Variants in NBAS observed in about 807,000 individuals in gnomAD.
NBAS encodes NBAS subunit of NRZ tethering complex.
Under a neutral mutation model 302.5 loss-of-function variants are expected in NBAS, and 219 were observed. That is an observed-to-expected ratio of 0.72 (90% CI 0.65 to 0.81). The LOEUF is 0.81. Among genes scored for constraint, NBAS ranks in the 30% least tolerant of loss-of-function variants. The pLI, the probability that NBAS is intolerant of heterozygous loss-of-function variation, is 0.00. For missense variants in NBAS, 2,932 were observed against 2,841.6 expected, an observed-to-expected ratio of 1.03 and a Z score of -0.72; for synonymous variants, 1,118 against 1,021.6, an observed-to-expected ratio of 1.09 and a Z score of -1.80.
chr2:15,476,882 T>C (rs1680216374), intron 13 of NBAS, among the ~76,000 whole-genome samples: 1 of 152,328 alleles, frequency 6.6e-6, no homozygotes, highest in South Asian at 2.1e-4. Context: ...TTTAACAACA[T>C]ATTTAAACAT....
chr2:15,112,188 A>G, the NBAS span, among the ~76,000 whole-genome samples: 29 of 151,698 alleles, frequency 1.9e-4, no homozygotes, highest in African/African-American at 6.3e-4. Context: ...GATGTAAGAG[A>G]TGAAAGAATA....
At chr2:14,955,414 G>A in the NBAS span, among the ~76,000 whole-genome samples, 3 of 152,220 alleles carry the variant, frequency 2.0e-5, no homozygotes, top group Admixed American at 6.5e-5. Context: ...GGGGTCTGGA[G>A]GATGGTGGCT....
intron 38 of NBAS, among the ~76,000 whole-genome samples, chr2:15,312,288 T>C (rs1228092434): frequency 6.6e-6 from 1 of 152,124 alleles, no homozygotes. Context: ...TCTTTACTTT[T>C]TAAAGAGATG....
intron 21 of NBAS, among the ~76,000 whole-genome samples, chr2:15,457,624 T>C (rs139284791): frequency 1.1e-3 from 165 of 152,298 alleles, no homozygotes; most frequent in African/African-American, 3.9e-3. Flanking sequence ...GGAGCTATGC[T>C]CTACTCATCC....
chr2:15,109,781 C>A, the NBAS span, among the ~76,000 whole-genome samples: 6 of 152,014 alleles, frequency 3.9e-5, no homozygotes, highest in African/African-American at 1.2e-4. Context: ...CTCAAAGACT[C>A]CAGTTTTGAA....
intron 40 of NBAS, among the ~76,000 whole-genome samples, chr2:15,303,765 CA>C (rs1168911077): frequency 2.0e-5 from 3 of 152,176 alleles, no homozygotes; most frequent in Non-Finnish European, 4.4e-5. Context: ...AATTTTCCTC[CA>C]AGAGAACTAC....
chr2:15,352,016 T>C lies in NBAS; in HGVS notation c.4155A>G (p.Pro1385=), dbSNP rs575985753. The change falls in exon 35 of 52, where the codon CCA becomes CCG. Residue 1385 remains proline, a synonymous_variant. Coordinates refer to ENST00000281513, the MANE Select transcript of NBAS (RefSeq NM_015909.4). Reference sequence around the variant, plus strand: ...CCTCTTGTACTGCTTTACTAGTTAATGGTGAAGCACTGATATTTTCCCCTC... The same window carrying C: ...CCTCTTGTACTGCTTTACTAGTTAACGGTGAAGCACTGATATTTTCCCCTC... ...HEGGENISAS[P]LTSKAVQEDE... The C allele has an allele frequency of 3.1e-6, 5 of 1,611,908 alleles. No homozygotes were observed. The highest frequency in any genetic ancestry group is 2.2e-5 in the East Asian group (1 of 44,814).
chr2:15,114,053 A>G, the NBAS span, among the ~76,000 whole-genome samples: 1 of 152,144 alleles, frequency 6.6e-6, no homozygotes, highest in Non-Finnish European at 1.5e-5. Flanking sequence ...AGATCCAAAT[A>G]TTAAATTACA....
chr2:15,080,353 C>G, the NBAS span, among the ~76,000 whole-genome samples: 10 of 152,192 alleles, frequency 6.6e-5, no homozygotes, highest in Non-Finnish European at 2.9e-5. Flanking sequence ...AACTTCAGAG[C>G]CACAGCCATC....
chr2:14,958,818 A>G, the NBAS span, among the ~76,000 whole-genome samples: 1 of 152,206 alleles, frequency 6.6e-6, no homozygotes, highest in African/African-American at 2.4e-5. Flanking sequence ...CAAGAAAAAA[A>G]TGGGGATCTA....
chr2:15,387,641 T>A (rs1037150160), intron 28 of NBAS, among the ~76,000 whole-genome samples: 12 of 151,584 alleles, frequency 7.9e-5, no homozygotes, highest in African/African-American at 2.2e-4. Flanking sequence ...GGAAATTATT[T>A]TTTTTTTTAA....
chr2:15,520,610 TA>T (rs905106004), intron 9 of NBAS, among the ~76,000 whole-genome samples: 58 of 140,722 alleles, frequency 4.1e-4, no homozygotes, highest in Middle Eastern at 3.6e-3. Flanking sequence ...TGTCAGAGCA[TA>T]AAAAAAAAAA....
the NBAS span, among the ~76,000 whole-genome samples, chr2:15,096,846 C>CA: frequency 3.3e-5 from 5 of 152,252 alleles, no homozygotes; most frequent in East Asian, 9.7e-4. Context: ...AATGTCCCAG[C>CA]ACAGTGGAAA....
At position 15,511,336 on chromosome 2, in the gene NBAS, C is replaced by A; in HGVS notation, c.761G>T (p.Gly254Val). Residue 254 changes from glycine to valine, a missense_variant, in exon 10 of 52, where the codon GGT becomes GTT. Gly to Val is a moderately radical substitution (Grantham distance 109, BLOSUM62 -3). Transcript: ENST00000281513. ...YHPGHRLLLV[G>V]GCETAEVGMS... ...GCCTACTTCAGCAGTTTCACATCCA[C>A]CAACAAGTAAAAGTCTAAAAAGGAG... is the stretch of plus-strand genomic sequence containing the variant. The A allele has an allele frequency of 6.2e-7, 1 of 1,613,832 alleles. No homozygotes were observed. The highest frequency in any genetic ancestry group is 8.5e-7 in the Non-Finnish European group (1 of 1,179,918).
intron 40 of NBAS, among the ~76,000 whole-genome samples, chr2:15,294,716 A>G (rs1471036678): frequency 6.6e-6 from 1 of 152,082 alleles, no homozygotes; most frequent in Non-Finnish European, 1.5e-5. Context: ...TTGTAAAGAC[A>G]GCAAGACCAA....
downstream of NBAS, among the ~76,000 whole-genome samples, chr2:15,166,723 CA>C (rs1664035895): frequency 6.6e-6 from 1 of 152,144 alleles, no homozygotes; most frequent in Non-Finnish European, 1.5e-5. Context: ...TTCCTAATGC[CA>C]CCCCATCCAC....
At chr2:15,404,199 C>A in intron 25 of NBAS, among the ~76,000 whole-genome samples, 1 of 152,108 alleles carries the variant, frequency 6.6e-6, no homozygotes. Flanking sequence ...TTTGCCTGAA[C>A]CCACAGAGCT....
Position 15,234,529 on chromosome 2 carries a change from C to T in NBAS, c.6146+16G>A, listed in dbSNP as rs765980959. On this transcript the variant is annotated intron_variant, in intron 46 of 51. Transcript: ENST00000281513. Reference sequence around the variant, plus strand: ...TGTCACCCCAGTTTTTCCACAATGACCACTTTCTAGCTTACCTCAATGCAG... The same window carrying T: ...TGTCACCCCAGTTTTTCCACAATGATCACTTTCTAGCTTACCTCAATGCAG... The T allele has an allele frequency of 4.3e-6, 7 of 1,612,118 alleles. No homozygotes were observed. The South Asian group carries it at 7.7e-5, about 18-fold the overall frequency.
At chr2:15,256,985 C>T (rs1232744285) in intron 44 of NBAS, among the ~76,000 whole-genome samples, 1 of 152,144 alleles carries the variant, frequency 6.6e-6, no homozygotes, top group Admixed American at 6.6e-5. Context: ...CATCTATGAT[C>T]ATCAGGGATA....
Sources: allele counts gnomAD v4.1 joint callset (sites outside exome capture counted in the v4.1 genomes callset), GRCh38; gene constraint gnomAD v4.1.1; transcripts MANE v1.5; gene names NCBI Gene and HGNC (gene_info 2026-07-23, HGNC 2026-07-21).